ESR1: variants seen among roughly 807,000 people sequenced by gnomAD.
The protein encoded by ESR1 is estrogen receptor.
In ESR1, 12 loss-of-function variants were observed where a neutral mutation model predicts 52.7. The ratio of observed to expected loss-of-function variants is 0.23; its 90% confidence interval spans 0.15 to 0.37. The LOEUF (loss-of-function observed/expected upper bound fraction) is 0.37. Among genes scored for constraint, ESR1 ranks in the 10% least tolerant of loss-of-function variants. ESR1 has a pLI of 1.00. For missense variants in ESR1, 584 were observed against 779.7 expected (o/e 0.75, Z 2.99); for synonymous variants, 305 against 316.8 (o/e 0.96, Z 0.39).
At chr6:151,749,793 G>T (rs1361024) in intron 2 of ESR1, among the ~76,000 whole-genome samples, 1 of 152,030 alleles carries the variant, frequency 6.6e-6, no homozygotes, top group Non-Finnish European at 1.5e-5. Flanking sequence ...TTTTAGCTCC[G>T]TGGGGGAAAA....
At chr6:151,987,767 AT>A (rs758289840) in intron 4 of ESR1, among the ~76,000 whole-genome samples, 3 of 151,870 alleles carry the variant, frequency 2.0e-5, no homozygotes, top group Non-Finnish European at 4.4e-5. Context: ...ACTTTTAAGA[AT>A]TTTTCCTTTT....
chr6:151,968,933 C>T (rs1280409640), intron 4 of ESR1, among the ~76,000 whole-genome samples: 2 of 152,118 alleles, frequency 1.3e-5, no homozygotes, highest in Admixed American at 1.3e-4. Flanking sequence ...TCTGGAGGTT[C>T]TTAAGCTCTC....
intron 3 of ESR1, among the ~76,000 whole-genome samples, chr6:151,914,730 G>A (rs1288432571): frequency 2.6e-5 from 4 of 152,060 alleles, no homozygotes; most frequent in Non-Finnish European, 5.9e-5. Flanking sequence ...ATAAAATGGG[G>A]GTAAATATCT....
At chr6:151,759,051 C>T (rs895951747) in intron 2 of ESR1, among the ~76,000 whole-genome samples, 1 of 151,876 alleles carries the variant, frequency 6.6e-6, no homozygotes, top group African/African-American at 2.4e-5. Context: ...CCAAGGCAGG[C>T]GGATCAGGAG....
At chr6:151,868,288 C>G (rs374793311) in intron 2 of ESR1, among the ~76,000 whole-genome samples, 1 of 152,098 alleles carries the variant, frequency 6.6e-6, no homozygotes, top group African/African-American at 2.4e-5. Flanking sequence ...CCACCATGCC[C>G]GGCTAATTTT....
upstream of ESR1, among the ~76,000 whole-genome samples, chr6:151,686,608 A>C (rs1778690440): frequency 6.6e-6 from 1 of 152,194 alleles, no homozygotes; most frequent in Non-Finnish European, 1.5e-5. Flanking sequence ...GAATGGCGTG[A>C]ACCCGAGAGG....
intron 6 of ESR1, among the ~76,000 whole-genome samples, chr6:152,084,473 A>G (rs11155833): frequency 0.21 from 31,588 of 151,368 alleles, 4,629 homozygotes; most frequent in African/African-American, 0.4. Flanking sequence ...TTTACCTCCC[A>G]CCACGATTCT....
At chr6:151,808,570 G>C (rs371988119) in intron 1 of ESR1, among the ~76,000 whole-genome samples, 9 of 152,128 alleles carry the variant, frequency 5.9e-5, no homozygotes, top group African/African-American at 9.7e-5. Flanking sequence ...TTCTCTCGCC[G>C]GGCAGCTGAA....
chr6:151,832,831 A>C (rs17081761), intron 1 of ESR1, among the ~76,000 whole-genome samples: 7,206 of 152,262 alleles, frequency 0.047, 575 homozygotes, highest in African/African-American at 0.16. Context: ...GCATGCAATA[A>C]GGAACACAGA....
At chr6:152,040,890 T>C (rs940023558) in intron 5 of ESR1, among the ~76,000 whole-genome samples, 21 of 152,184 alleles carry the variant, frequency 1.4e-4, no homozygotes, top group African/African-American at 5.1e-4. Flanking sequence ...CTTCCTCATG[T>C]AAAGTACTTG....
chr6:151,903,509 T>G (rs996494516), intron 3 of ESR1, among the ~76,000 whole-genome samples: 1 of 151,342 alleles, frequency 6.6e-6, no homozygotes, highest in African/African-American at 2.4e-5. Flanking sequence ...AGTTCTGATC[T>G]TGGGCATGCC....
chr6:151,880,039 A>G (rs1317951473), intron 2 of ESR1, among the ~76,000 whole-genome samples: 1 of 152,160 alleles, frequency 6.6e-6, no homozygotes, highest in Non-Finnish European at 1.5e-5. Context: ...AAACCAAAAA[A>G]CCTTATCTGC....
intron 5 of ESR1, among the ~76,000 whole-genome samples, chr6:152,050,173 A>C (rs1296825769): frequency 1.3e-5 from 2 of 152,218 alleles, no homozygotes; most frequent in African/African-American, 4.8e-5. Context: ...TCCTGCAATC[A>C]TACTTCCCAG....
chr6:151,797,293 G>A (rs1488023608), intron 2 of ESR1, among the ~76,000 whole-genome samples: 5 of 152,230 alleles, frequency 3.3e-5, no homozygotes, highest in Non-Finnish European at 7.3e-5. Flanking sequence ...GACTGATTGA[G>A]CAAGAGTTAT....
chr6:151,684,642 C>T (rs548174727), intron 1 of ESR1, among the ~76,000 whole-genome samples: 122 of 152,238 alleles, frequency 8.0e-4, no homozygotes, highest in Non-Finnish European at 1.3e-3. Flanking sequence ...ATATCTCAGC[C>T]CAGGAATAAA....
intron 2 of ESR1, among the ~76,000 whole-genome samples, chr6:151,782,802 A>T (rs904816943): frequency 1.3e-5 from 2 of 152,198 alleles, no homozygotes; most frequent in Non-Finnish European, 2.9e-5. Context: ...GTTAAGTGTA[A>T]ATCAAAGGCA....
intron 6 of ESR1, among the ~76,000 whole-genome samples, chr6:152,086,359 T>C (rs1479967646): frequency 6.6e-6 from 1 of 150,456 alleles, no homozygotes; most frequent in South Asian, 2.1e-4. Context: ...AAAGGCTATA[T>C]TTATTACAAA....
chr6:151,834,831 C>T (rs940733941), intron 1 of ESR1, among the ~76,000 whole-genome samples: 9 of 152,088 alleles, frequency 5.9e-5, no homozygotes, highest in African/African-American at 2.2e-4. Flanking sequence ...TGTGGAAGAG[C>T]TGTGGCAGCA....
At chr6:152,104,121 G>A (rs572389766), downstream of ESR1, among the ~76,000 whole-genome samples, 2 of 151,944 alleles carry the variant, frequency 1.3e-5, no homozygotes, top group Admixed American at 1.3e-4. Context: ...CTCATGGAGA[G>A]TATGGAAGGA....
Sources: allele counts gnomAD v4.1 joint callset (sites outside exome capture counted in the v4.1 genomes callset), GRCh38; gene constraint gnomAD v4.1.1; transcripts MANE v1.5; gene names NCBI Gene and HGNC (gene_info 2026-07-23, HGNC 2026-07-21).